The following DNAH14 variants were observed in gnomAD, a reference collection of about 807,000 sequenced individuals.
DNAH14 encodes axonemal beta dynein heavy chain 14.
A neutral mutation model predicts 520.9 loss-of-function variants in DNAH14; 478 were observed. The ratio of observed to expected loss-of-function variants is 0.92; its 90% CI spans 0.85 to 0.99. The LOEUF is 0.99. Among genes scored for constraint, DNAH14 ranks in the 50% least tolerant of loss-of-function variants. DNAH14 has a pLI of 0.00. For synonymous variants in DNAH14, 1,581 were observed against 1,757.2 expected (o/e 0.90, Z 2.51); for missense variants, 4,831 against 5,234.5 (o/e 0.92, Z 2.38).
At chr1:224,984,913 A>G (rs1439474548) in intron 8 of DNAH14, among the ~76,000 whole-genome samples, 1 of 152,248 alleles carries the variant, frequency 6.6e-6, no homozygotes, top group Non-Finnish European at 1.5e-5. Flanking sequence ...CAAAACCACA[A>G]TGCGATACCT....
intron 43 of DNAH14, 132 bp downstream of exon 43, chr1:225,240,954 C>G: frequency 1.5e-6 from 1 of 681,738 alleles, no homozygotes; most frequent in Non-Finnish European, 2.3e-6. Flanking sequence ...TATAATATAC[C>G]CAATACCCTC....
At chr1:225,298,833 A>G (rs1418961424) in intron 55 of DNAH14, among the ~76,000 whole-genome samples, 1 of 152,230 alleles carries the variant, frequency 6.6e-6, no homozygotes, top group Admixed American at 6.5e-5. Context: ...ATTGTCCTGT[A>G]TAATGACTGT....
intron 17 of DNAH14, among the ~76,000 whole-genome samples, chr1:225,069,301 C>T (rs2071274379): frequency 6.6e-6 from 1 of 152,146 alleles, no homozygotes; most frequent in African/African-American, 2.4e-5. Flanking sequence ...AAGGGGAATG[C>T]TTCCTGCTTT....
At chr1:225,337,869 G>A (rs1973515) in intron 67 of DNAH14, among the ~76,000 whole-genome samples, 192 bp from the exon 68 acceptor site, 17,148 of 151,988 alleles carry the variant, frequency 0.11, 1,153 homozygotes, top group East Asian at 0.26. Context: ...ACAAACAATC[G>A]AATTATACTC....
Position 225,192,720 on chromosome 1 carries a change from G to C in DNAH14, c.5695G>C (p.Asp1899His). ...SKISERKGKV[D>H]ICVLNPKCVT... ...GATTTCAGAAAGAAAAGGAAAAGTA[G>C]ATATTTGTGTTTTAAATCCAAAGTG... is the stretch of plus-strand genomic sequence containing the variant. Residue 1899 changes from aspartate to histidine, a missense_variant, in exon 38 of 86, where the codon GAT (aspartate) becomes CAT (histidine). Asp to His is a moderately conservative substitution (Grantham distance 81). Coordinates refer to ENST00000682510, the MANE Select transcript of DNAH14 (RefSeq NM_001367479.1). 1.9e-6 allele frequency: 3 copies of C among 1,548,778 alleles called. No homozygotes were observed. The highest frequency in any genetic ancestry group is 2.6e-6 in the Non-Finnish European group (3 of 1,145,196).
intron 36 of DNAH14, among the ~76,000 whole-genome samples, chr1:225,175,290 G>A (rs2083189430): frequency 6.6e-6 from 1 of 152,088 alleles, no homozygotes; most frequent in African/African-American, 2.4e-5. Context: ...ATCACATCCT[G>A]GGCTTTTCTT....
chr1:224,960,342 T>C (rs1572065750), intron 4 of DNAH14, 40 bp downstream of exon 4: 3 of 1,467,772 alleles, frequency 2.0e-6, no homozygotes, highest in African/African-American at 1.4e-5. Flanking sequence ...GAAATCACTA[T>C]ACTTTTTCAG....
intron 27 of DNAH14, 110 bp from the exon 28 acceptor site, chr1:225,140,658 C>T: frequency 2.2e-6 from 2 of 899,964 alleles, no homozygotes; most frequent in Non-Finnish European, 1.6e-6. Context: ...CACTTACATA[C>T]ACACCACATA....
chr1:225,043,126 G>T lies in DNAH14; in HGVS notation c.1768+12G>T. On this transcript the variant is annotated intron_variant, in intron 13 of 85. Transcript: ENST00000682510. Reference sequence around the variant, plus strand: ...AGATATTATTTCAGGTAAGACAATTGAGACTATAAAGAATGAGGGGTTGCC... The same window carrying T: ...AGATATTATTTCAGGTAAGACAATTTAGACTATAAAGAATGAGGGGTTGCC... The T allele has an allele frequency of 6.5e-7, 1 of 1,544,002 alleles. No homozygotes were observed. The highest frequency in any genetic ancestry group is 1.2e-5 in the South Asian group (1 of 82,720).
chr1:225,295,693 C>T (rs1025154657), intron 55 of DNAH14, among the ~76,000 whole-genome samples: 117 of 152,028 alleles, frequency 7.7e-4, no homozygotes, highest in African/African-American at 2.7e-3. Context: ...CAGAATGTTC[C>T]GTGTGCTAAT....
chr1:224,996,421 A>G (rs1250793973), intron 8 of DNAH14, among the ~76,000 whole-genome samples: 1 of 152,088 alleles, frequency 6.6e-6, no homozygotes, highest in Non-Finnish European at 1.5e-5. Context: ...TCAGCCTTCC[A>G]AAGTGTTGGG....
At chr1:225,324,077 A>G in intron 62 of DNAH14, 145 bp from the exon 63 acceptor site, 1 of 944,768 alleles carries the variant, frequency 1.1e-6, no homozygotes, top group Non-Finnish European at 1.5e-6. Context: ...CGACCTCCCA[A>G]AGTGCTGGGT....
chr1:224,971,964 A>C (rs1422584858), intron 7 of DNAH14, among the ~76,000 whole-genome samples: 1 of 152,198 alleles, frequency 6.6e-6, no homozygotes, highest in African/African-American at 2.4e-5. Flanking sequence ...TCAATTTAAG[A>C]TATTATCCAA....
At chr1:225,359,201 T>C (rs918787569) in intron 74 of DNAH14, among the ~76,000 whole-genome samples, 1 of 152,222 alleles carries the variant, frequency 6.6e-6, no homozygotes, top group Non-Finnish European at 1.5e-5. Context: ...AATAAATCTC[T>C]CTAAAGATAC....
At chr1:225,038,296 C>T (rs1474952601) in intron 11 of DNAH14, among the ~76,000 whole-genome samples, 4 of 152,072 alleles carry the variant, frequency 2.6e-5, no homozygotes, top group Non-Finnish European at 5.9e-5. Flanking sequence ...CAGGGTGTCA[C>T]TCTGTCTTGA....
rs1232071071 is a variant in DNAH14 at position 225,051,488 on chromosome 1, G to C, written c.2117G>C (p.Gly706Ala). 1.3e-6 allele frequency: 2 copies of C among 1,537,500 alleles called. No homozygotes were observed. The highest frequency in any genetic ancestry group is 4.9e-5 in the East Asian group (2 of 40,592). ...CTGACTATTATTGGTAATTCAATGG[G>C]CCTAGTTAATGCTTACAGCCACAAG... ...NLLTIIGNSM[G>A]LVNAYSHKFI... Residue 706 changes from glycine (G) to alanine (A), a missense_variant, in exon 17 of 86, where the codon GGC (glycine) becomes GCC (alanine). By Grantham distance (60) the Gly-to-Ala change is moderately conservative (BLOSUM62 0). Transcript: ENST00000682510.
chr1:225,339,421 G>A (rs926441313), intron 68 of DNAH14, among the ~76,000 whole-genome samples: 13 of 152,170 alleles, frequency 8.5e-5, no homozygotes, highest in Non-Finnish European at 1.5e-5. Context: ...GGGATCCCAT[G>A]GCTTTTTAAA....
intron 10 of DNAH14, among the ~76,000 whole-genome samples, chr1:225,019,284 G>C (rs1474206521): frequency 6.6e-6 from 1 of 152,108 alleles, no homozygotes; most frequent in African/African-American, 2.4e-5. Context: ...TCTTATATCA[G>C]CTAAAACAGA....
At chr1:225,065,076 C>T (rs1275006687) in intron 17 of DNAH14, among the ~76,000 whole-genome samples, 8 of 151,870 alleles carry the variant, frequency 5.3e-5, no homozygotes, top group Non-Finnish European at 1.0e-4. Flanking sequence ...TTAATGGTTG[C>T]AAAGCTGTTT....
Sources: gnomAD v4.1 joint callset for allele counts (sites outside exome capture counted in the v4.1 genomes callset) on GRCh38, gnomAD v4.1.1 for gene constraint, MANE v1.5 for transcripts, NCBI Gene and HGNC (gene_info 2026-07-23, HGNC 2026-07-21) for gene names.